The following MAST4 variants were observed in gnomAD, a reference collection of about 807,000 sequenced individuals.
MAST4 encodes microtubule associated serine/threonine kinase family member 4, also known as microtubule-associated serine/threonine-protein kinase 4.
Under a neutral mutation model 162.7 loss-of-function variants are expected in MAST4, and 89 were observed. That is an observed-to-expected ratio of 0.55 (90% CI 0.46 to 0.65). The LOEUF (loss-of-function observed/expected upper bound fraction) is 0.65. Ranked by LOEUF, MAST4 falls within the 30% of genes least tolerant of loss-of-function variation. MAST4 has a pLI of 0.00. For synonymous variants in MAST4, 1,479 were observed against 1,361.1 expected (o/e 1.09, Z -1.91); for missense variants, 3,153 against 3,374.0 (o/e 0.93, Z 1.62).
chr5:66,860,082 G>T (rs1348411952), intron 3 of MAST4, among the ~76,000 whole-genome samples: 1 of 152,186 alleles, frequency 6.6e-6, no homozygotes, highest in Non-Finnish European at 1.5e-5. Context: ...CTTTGGGGTG[G>T]TAGTGAGGAG....
chr5:66,781,521 C>T (rs930027592), intron 2 of MAST4, among the ~76,000 whole-genome samples: 2 of 152,198 alleles, frequency 1.3e-5, no homozygotes, highest in Non-Finnish European at 2.9e-5. Flanking sequence ...AGTGCTACCC[C>T]TGTTCTTCCT....
At chr5:66,912,323 G>A (rs1398186574) in intron 4 of MAST4, among the ~76,000 whole-genome samples, 1 of 152,090 alleles carries the variant, frequency 6.6e-6, no homozygotes. Flanking sequence ...GTTTACCAGG[G>A]GGTTTGTATT....
chr5:67,145,417 C>G (rs1229963199), intron 23 of MAST4, 38 bp downstream of exon 23: 1 of 1,566,668 alleles, frequency 6.4e-7, no homozygotes, highest in African/African-American at 1.4e-5. Context: ...TCCTCCTCAC[C>G]ACACTAAGTG....
intron 3 of MAST4, among the ~76,000 whole-genome samples, chr5:66,832,068 T>C (rs1757639172): frequency 6.6e-6 from 1 of 152,222 alleles, no homozygotes. Flanking sequence ...TGGAGAACAA[T>C]GAACAATAGG....
intron 5 of MAST4, among the ~76,000 whole-genome samples, chr5:67,078,767 TATATATATTTATTTATATTTATCTAA>T (rs1561620675): frequency 8.5e-6 from 1 of 117,252 alleles, no homozygotes. Context: ...TTTATCTAAA[TATATATATTTATTTATATTTATCTAA>T]ATATATTTAT....
chr5:66,664,565 AG>A (rs1300139530), intron 1 of MAST4, among the ~76,000 whole-genome samples: 1 of 150,302 alleles, frequency 6.7e-6, no homozygotes, highest in African/African-American at 2.5e-5. Context: ...TCTGAAGTTA[AG>A]GGGAAAAAGA....
chr5:66,875,987 C>T (rs1385951960), intron 3 of MAST4, among the ~76,000 whole-genome samples: 1 of 152,132 alleles, frequency 6.6e-6, no homozygotes, highest in Admixed American at 6.5e-5. Context: ...GAAATGCTCT[C>T]AAACTCTGGG....
chr5:67,164,057 T>G lies in MAST4; in HGVS notation c.4878T>G (p.Pro1626=), dbSNP rs1309241479. 1.9e-6 allele frequency: 3 copies of G among 1,568,882 alleles called. No individual in the cohort carries two copies. Among genetic ancestry groups the G allele is most frequent in the Non-Finnish European group, 2.6e-6 (3 of 1,156,748 alleles). The change falls in exon 29 of 29, where the codon CCT becomes CCG. Residue 1626 remains proline, a synonymous_variant. Transcript: ENST00000403625. The surrounding 1 kb of genome is among the most constrained non-coding windows in gnomAD (Gnocchi z 5.3). ...GTGCGATGTCGGATGGCCGGGTGCC[T>G]GCGGAGCACCGCCAGGGTGGCGGGG... ...SEGAMSDGRV[P]AEHRQGGGDF...
At chr5:67,050,942 T>C (rs1049404542) in intron 4 of MAST4, among the ~76,000 whole-genome samples, 1 of 152,198 alleles carries the variant, frequency 6.6e-6, no homozygotes, top group African/African-American at 2.4e-5. Context: ...TGTTGAAGAA[T>C]GAAGTCAAAA....
At chr5:66,826,920 C>T (rs1382578512) in intron 3 of MAST4, among the ~76,000 whole-genome samples, 2 of 152,202 alleles carry the variant, frequency 1.3e-5, no homozygotes, top group Non-Finnish European at 2.9e-5. Context: ...CTGTGCTCCT[C>T]TCTCAGGAGG....
intron 4 of MAST4, among the ~76,000 whole-genome samples, chr5:67,008,396 T>TG (rs1297343450): frequency 6.6e-6 from 1 of 152,224 alleles, no homozygotes; most frequent in Non-Finnish European, 1.5e-5. Flanking sequence ...GCCCATTGGA[T>TG]GAAAAACTTT....
At chr5:66,603,544 A>C (rs1412713212) in intron 1 of MAST4, among the ~76,000 whole-genome samples, 4 of 152,344 alleles carry the variant, frequency 2.6e-5, no homozygotes, top group African/African-American at 9.6e-5. Flanking sequence ...TAAGCATGAA[A>C]GATGGTGCAA....
intron 4 of MAST4, among the ~76,000 whole-genome samples, chr5:66,923,526 G>C (rs781562061): frequency 6.6e-6 from 1 of 152,206 alleles, no homozygotes; most frequent in African/African-American, 2.4e-5. Flanking sequence ...CTTTCTGTAG[G>C]TAGAAGTTTC....
At chr5:66,981,604 T>G (rs1748845309) in intron 4 of MAST4, among the ~76,000 whole-genome samples, 1 of 152,216 alleles carries the variant, frequency 6.6e-6, no homozygotes, top group Admixed American at 6.5e-5. Flanking sequence ...GCCAGAAGCT[T>G]CAGATGCTTC....
chr5:66,840,507 T>C (rs1473767499), intron 3 of MAST4, among the ~76,000 whole-genome samples: 1 of 151,806 alleles, frequency 6.6e-6, no homozygotes, highest in Admixed American at 6.6e-5. Context: ...GTGTGATAGA[T>C]TCAATCCTTA....
At chr5:66,809,384 T>C (rs1756364151) in intron 3 of MAST4, among the ~76,000 whole-genome samples, 1 of 152,230 alleles carries the variant, frequency 6.6e-6, no homozygotes, top group African/African-American at 2.4e-5. Flanking sequence ...TAGTTGTGAT[T>C]GGCAGTTGAT....
chr5:66,662,863 G>C (rs1330965294), intron 1 of MAST4: 1 of 152,062 alleles, frequency 6.6e-6, no homozygotes, highest in African/African-American at 2.4e-5. Flanking sequence ...GTTTTGTTTT[G>C]AGACAGAGCC....
chr5:66,648,083 T>TGAGAGAGA (rs375744842), intron 1 of MAST4, among the ~76,000 whole-genome samples: 1 of 87,170 alleles, frequency 1.1e-5, no homozygotes, highest in South Asian at 4.5e-4. Flanking sequence ...TGTGTGTGTG[T>TGAGAGAGA]GAGAGAGAGA....
chr5:66,788,981 T>TCTCA (rs1238119071), intron 3 of MAST4, among the ~76,000 whole-genome samples, 187 bp downstream of exon 3: 2 of 152,258 alleles, frequency 1.3e-5, no homozygotes, highest in Non-Finnish European at 2.9e-5. Context: ...GGAGGATTTC[T>TCTCA]CTCAATTTTG....
Sources: gnomAD v4.1 joint callset for allele counts (sites outside exome capture counted in the v4.1 genomes callset) on GRCh38, gnomAD v4.1.1 for gene constraint, Gnocchi (gnomAD v3.1) non-coding constraint, MANE v1.5 for transcripts, NCBI Gene and HGNC (gene_info 2026-07-23, HGNC 2026-07-21) for gene names.